LRRTM4: variants seen among roughly 807,000 people sequenced by gnomAD.
The protein encoded by LRRTM4 is leucine rich repeat transmembrane neuronal 4.
In LRRTM4, 25 loss-of-function variants were observed where a neutral mutation model predicts 47.6. That is an observed-to-expected ratio of 0.53 (90% CI 0.38 to 0.73). LRRTM4 has a LOEUF of 0.73. Among genes scored for constraint, LRRTM4 ranks in the 30% least tolerant of loss-of-function variants. LRRTM4 has a pLI of 0.00. For missense variants in LRRTM4, 638 were observed against 713.4 expected (o/e 0.89, Z 1.20); for synonymous variants, 311 against 269.5 (o/e 1.15, Z -1.51).
intron 3 of LRRTM4, among the ~76,000 whole-genome samples, chr2:76,895,423 T>C (rs1444858820): frequency 6.6e-6 from 1 of 152,044 alleles, no homozygotes; most frequent in Non-Finnish European, 1.5e-5. Context: ...AGCTCACAAA[T>C]GTTGTCAGAA....
intron 3 of LRRTM4, among the ~76,000 whole-genome samples, chr2:77,193,882 G>T (rs984054647): frequency 6.6e-6 from 1 of 152,138 alleles, no homozygotes; most frequent in African/African-American, 2.4e-5. Flanking sequence ...GCAACAAAAT[G>T]GAGACTCATC....
At chr2:77,258,885 C>A (rs1675840702) in intron 3 of LRRTM4, among the ~76,000 whole-genome samples, 1 of 151,454 alleles carries the variant, frequency 6.6e-6, no homozygotes, top group African/African-American at 2.4e-5. Context: ...TAAAAACATA[C>A]CAGGCAAAAA....
chr2:76,812,699 T>TTTCTTTCTTTCTTTCTTTCTTTC (rs1670772244), intron 3 of LRRTM4, among the ~76,000 whole-genome samples: 1 of 134,064 alleles, frequency 7.5e-6, no homozygotes, highest in African/African-American at 2.7e-5. Flanking sequence ...TTCTTTCTTT[T>TTTCTTTCTTTCTTTCTTTCTTTC]CTTTCTTTAT....
At chr2:77,062,669 C>CTCTCTG (rs746765934) in intron 3 of LRRTM4, among the ~76,000 whole-genome samples, 1 of 151,878 alleles carries the variant, frequency 6.6e-6, no homozygotes, top group Admixed American at 6.6e-5. Context: ...CCTTTTTTTT[C>CTCTCTG]TCTCTGTCTC....
chr2:77,181,936 T>G (rs113547109), intron 3 of LRRTM4, among the ~76,000 whole-genome samples: 17,662 of 151,894 alleles, frequency 0.12, 2,749 homozygotes, highest in African/African-American at 0.36. Context: ...TGCTGGTGAG[T>G]CTGTGGAGAA....
intron 3 of LRRTM4, among the ~76,000 whole-genome samples, chr2:77,260,466 C>T (rs957473170): frequency 6.7e-6 from 1 of 150,172 alleles, no homozygotes; most frequent in African/African-American, 2.4e-5. Flanking sequence ...TAATACAGTA[C>T]TATACAAGTG....
At chr2:77,199,556 A>G (rs939774200) in intron 3 of LRRTM4, among the ~76,000 whole-genome samples, 1 of 152,130 alleles carries the variant, frequency 6.6e-6, no homozygotes, top group African/African-American at 2.4e-5. Context: ...TATTGAGACC[A>G]GATGATCTCT....
At chr2:77,110,097 C>T (rs1319885862) in intron 3 of LRRTM4, among the ~76,000 whole-genome samples, 1 of 152,032 alleles carries the variant, frequency 6.6e-6, no homozygotes, top group Non-Finnish European at 1.5e-5. Context: ...GGCATGAATC[C>T]TTAGACACAG....
chr2:77,046,752 A>G (rs144632572), intron 3 of LRRTM4, among the ~76,000 whole-genome samples: 1,640 of 152,142 alleles, frequency 0.011, 41 homozygotes, highest in African/African-American at 0.037. Flanking sequence ...ATAGTCACAC[A>G]TGCATGTATA....
At chr2:77,196,841 T>A (rs1558629133) in intron 3 of LRRTM4, among the ~76,000 whole-genome samples, 1 of 152,190 alleles carries the variant, frequency 6.6e-6, no homozygotes, top group African/African-American at 2.4e-5. Flanking sequence ...AATATAAGTA[T>A]GGGAAATAAA....
chr2:77,092,922 G>A (rs1011266595), intron 3 of LRRTM4, among the ~76,000 whole-genome samples: 2 of 147,300 alleles, frequency 1.4e-5, no homozygotes, highest in South Asian at 4.2e-4. Flanking sequence ...ACCTCACCAA[G>A]CTCAGCCACC....
chr2:77,068,891 A>AG (rs1052642812), intron 3 of LRRTM4, among the ~76,000 whole-genome samples: 1 of 152,246 alleles, frequency 6.6e-6, no homozygotes, highest in Non-Finnish European at 1.5e-5. Context: ...TGGACCTCCC[A>AG]GGGGTGAAAA....
At chr2:77,338,155 C>A (rs900720035) in intron 3 of LRRTM4, among the ~76,000 whole-genome samples, 7 of 152,018 alleles carry the variant, frequency 4.6e-5, no homozygotes, top group Non-Finnish European at 8.8e-5. Context: ...ACAACCTAGG[C>A]AACACCATTC....
Position 76,767,567 on chromosome 2 carries a change from T to C in LRRTM4, c.1552-18651A>G, listed in dbSNP as rs536745636. On this transcript the variant is annotated intron_variant, in intron 3 of 3. Coordinates refer to ENST00000409884, the MANE Select transcript of LRRTM4 (RefSeq NM_001134745.3). ...TTCAGAAATAAACCACTCTATAATA[T>C]CTAAAGCTACAGTTGGCTGTAGTTT... Among the ~76,000 whole-genome samples the C allele has an allele frequency of 3.9e-5, 6 of 152,308 alleles. 1 individual carries two copies. The South Asian group carries it at 1.2e-3, about 32-fold the overall frequency.
At chr2:76,807,770 T>C (rs1389536522) in intron 3 of LRRTM4, among the ~76,000 whole-genome samples, 1 of 151,522 alleles carries the variant, frequency 6.6e-6, no homozygotes, top group Non-Finnish European at 1.5e-5. Context: ...TTTTATATTT[T>C]TAGTAGAGAC....
intron 3 of LRRTM4, among the ~76,000 whole-genome samples, chr2:77,189,994 A>G (rs943307245): frequency 2.6e-5 from 4 of 152,118 alleles, no homozygotes; most frequent in Non-Finnish European, 5.9e-5. Flanking sequence ...AATGAGATAC[A>G]ATATGGAAAA....
chr2:77,390,931 C>T (rs1673479003), intron 3 of LRRTM4, among the ~76,000 whole-genome samples: 1 of 151,256 alleles, frequency 6.6e-6, no homozygotes, highest in South Asian at 2.1e-4. Flanking sequence ...AAATGCAACA[C>T]AGAGAAGAAA....
At chr2:77,350,952 C>T (rs908883506) in intron 3 of LRRTM4, among the ~76,000 whole-genome samples, 3 of 151,992 alleles carry the variant, frequency 2.0e-5, no homozygotes, top group Non-Finnish European at 4.4e-5. Context: ...TAGGGGTACA[C>T]ATTAAGGTTT....
intron 3 of LRRTM4, among the ~76,000 whole-genome samples, chr2:77,118,538 T>C (rs1261786469): frequency 2.6e-5 from 4 of 151,936 alleles, no homozygotes; most frequent in African/African-American, 9.7e-5. Context: ...AGTGCTGAGG[T>C]ATCATTATAC....
Sources: gnomAD v4.1 joint callset for allele counts (sites outside exome capture counted in the v4.1 genomes callset) on GRCh38, gnomAD v4.1.1 for gene constraint, MANE v1.5 for transcripts, NCBI Gene and HGNC (gene_info 2026-07-23, HGNC 2026-07-21) for gene names.